CYP27B1: variants seen among roughly 807,000 people sequenced by gnomAD.
CYP27B1 encodes 25-hydroxyvitamin D-1 alpha hydroxylase, mitochondrial.
In CYP27B1, 46 loss-of-function variants were observed where a neutral mutation model predicts 54.8. The ratio of observed to expected loss-of-function variants is 0.84; its 90% CI spans 0.66 to 1.07. The LOEUF (loss-of-function observed/expected upper bound fraction) is 1.07, where lower values mean the gene tolerates loss of function less well. Among genes scored for constraint, CYP27B1 ranks in the 50% least tolerant of loss-of-function variants. CYP27B1 has a pLI of 0.00. For synonymous variants in CYP27B1, 292 were observed against 297.3 expected, an observed-to-expected ratio of 0.98 and a Z score of 0.18; for missense variants, 674 against 692.2, an observed-to-expected ratio of 0.97 and a Z score of 0.30.
chr12:57,766,055 C>A lies in CYP27B1; in HGVS notation c.338G>T (p.Trp113Leu). 6.4e-7 allele frequency: 1 copy of A among 1,563,394 alleles called. No individual in the cohort carries two copies. The highest frequency in any genetic ancestry group is 1.3e-5 in the African/African-American group (1 of 74,360). ...PRPERCSFSPWTEHRRCRQRA... is the reference protein window; with the variant it reads ...PRPERCSFSPLTEHRRCRQRA... The stretch of plus-strand genomic sequence containing the variant: ...CTGGCGGCAGCGGCGGTGCTCCGTC[C>A]AGGGCGAGAAGCTGCAGCGCTCGGG... Residue 113 changes from tryptophan to leucine, a missense_variant, in exon 2 of 9, where the codon TGG becomes TTG. Trp to Leu is a moderately conservative substitution (Grantham distance 61). Coordinates refer to ENST00000228606, the MANE Select transcript of CYP27B1 (RefSeq NM_000785.4).
At position 57,765,458 on chromosome 12, in the gene CYP27B1, G is replaced by C. The variant is rs1222556174; in HGVS notation, c.428C>G (p.Pro143Arg). ...GGCCGCTTGAGGCCGGAGGAGGAGC[G>C]GGGCCAGGAGACTGCGGAGCCTTTG... The part of the protein sequence containing the change: ...EWQRLRSLLA[P>R]LLLRPQAAAR... Residue 143 changes from proline (P) to arginine (R), a missense_variant, in exon 3 of 9, where the codon CCG (proline) becomes CGG (arginine). By Grantham distance (103) the Pro-to-Arg change is moderately radical. Coordinates refer to ENST00000228606, the MANE Select transcript of CYP27B1 (RefSeq NM_000785.4). This position sits in a 1 kb window ranked among gnomAD's most constrained non-coding sequence, Gnocchi z 5.8. The C allele has an allele frequency of 1.2e-6, 2 of 1,612,680 alleles. No individual in the cohort carries two copies. Among genetic ancestry groups the C allele is most frequent in the East Asian group, 2.2e-5 (1 of 44,840 alleles).
At position 57,765,262 on chromosome 12, in the gene CYP27B1, C is replaced by A; in HGVS notation, c.589+35G>T. 6.2e-7 allele frequency: 1 copy of A among 1,611,912 alleles called. No individual in the cohort carries two copies. The highest frequency in any genetic ancestry group is 1.1e-5 in the South Asian group (1 of 90,980). On this transcript the variant is annotated intron_variant, in intron 3 of 8. Transcript: ENST00000228606. The surrounding 1 kb of genome is among the most constrained non-coding windows in gnomAD (Gnocchi z 5.8). Reference sequence around the variant, plus strand: ...GTTCCGGGAGGCTCTGGTAGGGCGCCCCCGACGCCTGCCCAGCTCTGTCCT... The same window carrying A: ...GTTCCGGGAGGCTCTGGTAGGGCGCACCCGACGCCTGCCCAGCTCTGTCCT...
intron 1 of CYP27B1, 174 bp from the exon 2 acceptor site, chr12:57,766,371 T>G: frequency 1.1e-6 from 1 of 922,442 alleles, no homozygotes; most frequent in Non-Finnish European, 1.5e-6. Flanking sequence ...TCATTTCCCA[T>G]CCCTAGAAAG....
intron 8 of CYP27B1, 87 bp from the exon 9 acceptor site, chr12:57,763,342 T>A: frequency 9.7e-7 from 1 of 1,027,784 alleles, no homozygotes; most frequent in South Asian, 1.3e-5. Flanking sequence ...AGGGCATGCA[T>A]TATTAGTGTT....
rs750450741 is a variant in CYP27B1, at chr12:57,765,957, G to A, written c.386+50C>T. On this transcript the variant is annotated intron_variant, in intron 2 of 8. Coordinates refer to ENST00000228606, the MANE Select transcript of CYP27B1 (RefSeq NM_000785.4). The surrounding 1 kb of genome is among the most constrained non-coding windows in gnomAD (Gnocchi z 5.8). ...TTGATAGTTTCGGGACCCGCAGCAG[G>A]AGAGGGCCGCTGCAGGGCGTCTGGG... The A allele has an allele frequency of 6.7e-7, 1 of 1,497,962 alleles. No homozygotes were observed. The highest frequency in any genetic ancestry group is 8.9e-7 in the Non-Finnish European group (1 of 1,124,556). 92.8% of individuals were successfully genotyped at this position (1,497,962 alleles called of 1,614,324 possible). A position where few individuals can be genotyped will look rare whatever the true frequency, so the allele number is the denominator to read the frequency against.
In CYP27B1 at chr12:57,763,624, A is replaced by G. The variant is rs1429779203; in HGVS notation, c.1400T>C (p.Met467Thr). 1.2e-6 allele frequency: 2 copies of G among 1,613,830 alleles called. No homozygotes were observed. Among genetic ancestry groups the G allele is most frequent in the African/African-American group, 1.3e-5 (1 of 74,850 alleles). ...TAGAGCACTCACCTGGGCCAAAGCCATTTGCAATTCAAGCTCTGCCAGGCG... is the reference window on the plus strand; with the variant it reads ...TAGAGCACTCACCTGGGCCAAAGCCGTTTGCAATTCAAGCTCTGCCAGGCG... ...GRRLAELELQ[M>T]ALAQILTHFE... The change falls in exon 8 of 9, where the codon ATG (methionine) becomes ACG (threonine). Residue 467 changes from methionine (M) to threonine (T), a missense_variant. Transcript: ENST00000228606.
At position 57,763,067 on chromosome 12, in the gene CYP27B1, T is replaced by C. The variant is rs942185419; in HGVS notation, c.*75A>G. ...TAGGCATTAGGGGAAGATGTATACC[T>C]TGGTCTTGTGCCTACAAAAAATCTT... is the stretch of plus-strand genomic sequence containing the variant. On this transcript the variant is annotated 3_prime_UTR_variant, in exon 9 of 9. Transcript: ENST00000228606. 2.9e-6 allele frequency: 3 copies of C among 1,036,526 alleles called. No homozygotes were observed. Among genetic ancestry groups the C allele is most frequent in the Non-Finnish European group, 4.5e-6 (3 of 671,402 alleles). The allele number at this position is 1,036,526 out of a possible 1,614,324, so 64.2% of individuals were successfully genotyped here. A position where few individuals can be genotyped will look rare whatever the true frequency, so the allele number is the denominator to read the frequency against.
At position 57,766,497 on chromosome 12, in the gene CYP27B1, G is replaced by C. The variant is rs189557481; in HGVS notation, c.196-300C>G. ...TTCCATGTCTGGACTGTCCATCTCA[G>C]GACGAGTCCTCAGTGAATGAAAAGG... On this transcript the variant is annotated intron_variant, in intron 1 of 8. Transcript: ENST00000228606. 7.0e-6 allele frequency: 4 copies of C among 569,338 alleles called. No individual in the cohort carries two copies. In the African/African-American group the frequency reaches 7.5e-5, roughly 11 times the overall value. 35.3% of individuals were successfully genotyped at this position (569,338 alleles called of 1,614,324 possible). A position where few individuals can be genotyped will look rare whatever the true frequency, so the allele number is the denominator to read the frequency against.
In CYP27B1 at chr12:57,763,181, T is replaced by C; in HGVS notation, c.1488A>G (p.Val496=). The change falls in exon 9 of 9, where the codon GTA becomes GTG. Residue 496 remains valine, a synonymous_variant. Coordinates refer to ENST00000228606, the MANE Select transcript of CYP27B1 (RefSeq NM_000785.4). ...ACTGTAGGTTGATGCTCCTTTCAGG[T>C]ACCAGGACAGTCCGGGTCTTGGGTC... is the stretch of plus-strand genomic sequence containing the variant. ...PVRPKTRTVL[V]PERSINLQFL... The C allele has an allele frequency of 6.2e-7, 1 of 1,614,118 alleles. No individual in the cohort carries two copies. The highest frequency in any genetic ancestry group is 8.5e-7 in the Non-Finnish European group (1 of 1,179,916).
rs1220713472 is a variant in CYP27B1 at position 57,766,044 on chromosome 12, G to T, written c.349C>A (p.Arg117Ser). The T allele has an allele frequency of 1.3e-6, 2 of 1,567,616 alleles. No individual in the cohort carries two copies. Among genetic ancestry groups the T allele is most frequent in the Non-Finnish European group, 8.6e-7 (1 of 1,160,924 alleles). ...CCGCAAGCCCGCTGGCGGCAGCGGC[G>T]GTGCTCCGTCCAGGGCGAGAAGCTG... ...RCSFSPWTEH[R>S]RCRQRACGLL... is the part of the protein sequence containing the mutation. The change falls in exon 2 of 9, where the codon CGC becomes AGC. Residue 117 changes from arginine to serine, a missense_variant. By Grantham distance (110) the Arg-to-Ser change is moderately radical. Transcript: ENST00000228606.
rs1468541087 is a variant in CYP27B1 at position 57,763,789 on chromosome 12, T to A, written c.1235A>T (p.His412Leu). 1 of 1,614,118 alleles carries A rather than the reference T, an allele frequency of 6.2e-7. No homozygotes were observed. The highest frequency in any genetic ancestry group is 8.5e-7 in the Non-Finnish European group (1 of 1,179,998). The change falls in exon 8 of 9, where the codon CAC (histidine) becomes CTC (leucine). Residue 412 changes from histidine (H) to leucine (L), a missense_variant. Physicochemically the swap from His to Leu is moderately conservative, Grantham distance 99. Coordinates refer to ENST00000228606, the MANE Select transcript of CYP27B1 (RefSeq NM_000785.4). ...GGCAGGGTCCCTTGAAGTGGCATAG[T>A]GACACAGAGTGACCAGCGTCTGGTG... ...IPKNTLVTLC[H>L]YATSRDPAQF...
chr12:57,766,630 C>T (rs1220995241), intron 1 of CYP27B1: 3 of 617,304 alleles, frequency 4.9e-6, no homozygotes, highest in African/African-American at 3.7e-5. Flanking sequence ...CTCAGGACAG[C>T]GAGAAGGCGC....
rs1356498871 is a variant in CYP27B1 at position 57,765,472 on chromosome 12, G to C, written c.414C>G (p.Arg138=). ...GGAGGAGGAGCGGGGCCAGGAGACT[G>C]CGGAGCCTTTGCCATTCTTCGCCTT... The part of the protein sequence containing the change: ...TAEGEEWQRL[R]SLLAPLLLRP... The change falls in exon 3 of 9, where the codon CGC becomes CGG. Residue 138 remains arginine, a synonymous_variant. Transcript: ENST00000228606. The surrounding 1 kb of genome is among the most constrained non-coding windows in gnomAD (Gnocchi z 5.8). 7 of 1,612,204 alleles carry C rather than the reference G, an allele frequency of 4.3e-6. No homozygotes were observed. The highest frequency in any genetic ancestry group is 5.9e-6 in the Non-Finnish European group (7 of 1,179,390).
rs763440268 is a variant in CYP27B1 at position 57,765,620 on chromosome 12, G to A, written c.387-121C>T. 6.2e-6 allele frequency: 7 copies of A among 1,120,858 alleles called. No homozygotes were observed. Among genetic ancestry groups the A allele is most frequent in the African/African-American group, 4.6e-5 (3 of 64,730 alleles). 69.4% of individuals were successfully genotyped at this position (1,120,858 alleles called of 1,614,324 possible). On this transcript the variant is annotated intron_variant, in intron 2 of 8. Coordinates refer to ENST00000228606, the MANE Select transcript of CYP27B1 (RefSeq NM_000785.4). This position sits in a 1 kb window ranked among gnomAD's most constrained non-coding sequence, Gnocchi z 5.8. ...AGAGGGATTGCGTCTGCCCCCTTGGGGTACGGAAACCTGCACCGGCCTGCG... is the reference window on the plus strand; with the variant it reads ...AGAGGGATTGCGTCTGCCCCCTTGGAGTACGGAAACCTGCACCGGCCTGCG...
In CYP27B1 at chr12:57,764,612, T is replaced by C. The variant is rs747106578; in HGVS notation, c.964-62A>G. 10 of 1,601,750 alleles carry C rather than the reference T, an allele frequency of 6.2e-6. No individual in the cohort carries two copies. In the South Asian group the frequency reaches 1.1e-4, roughly 18 times the overall value. ...TGAGAACCCAGCAGAGGGTGCAGATTATGGAAGAGTCTGGGGCTACAGGGT... is the reference window on the plus strand; with the variant it reads ...TGAGAACCCAGCAGAGGGTGCAGATCATGGAAGAGTCTGGGGCTACAGGGT... On this transcript the variant is annotated intron_variant, in intron 5 of 8. Coordinates refer to ENST00000228606, the MANE Select transcript of CYP27B1 (RefSeq NM_000785.4).
At chr12:57,766,594 G>A (rs1565811911) in intron 1 of CYP27B1, 5 of 590,738 alleles carry the variant, frequency 8.5e-6, no homozygotes, top group Non-Finnish European at 1.5e-5. Flanking sequence ...CCGCGCACTT[G>A]TACTTTATCT....
chr12:57,765,260 G>GC lies in CYP27B1; in HGVS notation c.589+36dup, dbSNP rs775846356. 9.9e-6 allele frequency: 16 copies of GC among 1,611,490 alleles called. No individual in the cohort carries two copies. The highest frequency in any genetic ancestry group is 1.7e-4 in the Middle Eastern group (1 of 6,054). On this transcript the variant is annotated intron_variant, in intron 3 of 8. Coordinates refer to ENST00000228606, the MANE Select transcript of CYP27B1 (RefSeq NM_000785.4). The surrounding 1 kb of genome is among the most constrained non-coding windows in gnomAD (Gnocchi z 5.8). The stretch of plus-strand genomic sequence containing the variant: ...GGGTTCCGGGAGGCTCTGGTAGGGC[G>GC]CCCCCGACGCCTGCCCAGCTCTGTC...
In CYP27B1 at chr12:57,766,984, C is replaced by T. The variant is rs775461299; in HGVS notation, c.58G>A (p.Glu20Lys). 9.9e-6 allele frequency: 16 copies of T among 1,614,020 alleles called. No individual in the cohort carries two copies. The highest frequency in any genetic ancestry group is 2.2e-5 in the East Asian group (1 of 44,894). The change falls in exon 1 of 9, where the codon GAG becomes AAG. Residue 20 changes from glutamate to lysine, a missense_variant. Coordinates refer to ENST00000228606, the MANE Select transcript of CYP27B1 (RefSeq NM_000785.4). The part of the protein sequence containing the change: ...RVFHRVRWAP[E>K]LGASLGYREY... ...CGGTAGCCTAGGGAGGCGCCCAACT[C>T]GGGCGCCCAGCGGACGCGATGGAAC...
chr12:57,765,694 C>G lies in CYP27B1; in HGVS notation c.387-195G>C. 1 of 835,108 alleles carries G rather than the reference C, an allele frequency of 1.2e-6. No homozygotes were observed. The highest frequency in any genetic ancestry group is 2.0e-6 in the Non-Finnish European group (1 of 506,108). 51.7% of individuals were successfully genotyped at this position (835,108 alleles called of 1,614,324 possible). A position where few individuals can be genotyped will look rare whatever the true frequency, so the allele number is the denominator to read the frequency against. On this transcript the variant is annotated intron_variant, in intron 2 of 8. Coordinates refer to ENST00000228606, the MANE Select transcript of CYP27B1 (RefSeq NM_000785.4). The surrounding 1 kb of genome is among the most constrained non-coding windows in gnomAD (Gnocchi z 5.8). ...TTTACTCATTTCCTGCCCTCAGGGGCCGGGGTTCCCGGGTAACTTGAGTCA... is the reference window on the plus strand; with the variant it reads ...TTTACTCATTTCCTGCCCTCAGGGGGCGGGGTTCCCGGGTAACTTGAGTCA...
Sources: gnomAD v4.1 joint callset for allele counts on GRCh38, gnomAD v4.1.1 for gene constraint, Gnocchi (gnomAD v3.1) non-coding constraint, MANE v1.5 for transcripts, NCBI Gene and HGNC (gene_info 2026-07-23, HGNC 2026-07-21) for gene names.